The following GNE variants were observed in gnomAD, a reference collection of about 807,000 sequenced individuals.
GNE encodes the protein bifunctional UDP-N-acetylglucosamine 2-epimerase/N-acetylmannosamine kinase.
A neutral mutation model predicts 61.8 loss-of-function variants in GNE; 41 were observed. The ratio of observed to expected loss-of-function variants is 0.66; its 90% CI spans 0.52 to 0.86. The LOEUF is 0.86. Ranked by LOEUF, GNE falls within the 40% of genes least tolerant of loss-of-function variation. The probability of loss-of-function intolerance (pLI) is 0.00; values close to 1 mark genes in which losing one functional copy is unlikely to be tolerated. For synonymous variants in GNE, 264 were observed against 326.4 expected (o/e 0.81, Z 2.06); for missense variants, 608 against 909.1 (o/e 0.67, Z 4.26).
chr9:36,237,909 A>G (rs1228135607), intron 3 of GNE, among the ~76,000 whole-genome samples: 1 of 152,042 alleles, frequency 6.6e-6, no homozygotes, highest in South Asian at 2.1e-4. Context: ...AGAGCATACA[A>G]TGTTTGGTTT....
chr9:36,229,952 CT>C (rs1175311803), intron 5 of GNE, among the ~76,000 whole-genome samples: 119 of 146,602 alleles, frequency 8.1e-4, no homozygotes, highest in East Asian at 9.8e-4. Flanking sequence ...TCTCCTTTCA[CT>C]TTTTTTTTTT....
At chr9:36,268,905 G>A (rs1830909401) in intron 1 of GNE, among the ~76,000 whole-genome samples, 1 of 152,088 alleles carries the variant, frequency 6.6e-6, no homozygotes. Context: ...CAAAGTGGGT[G>A]GATTACCTGA....
intron 1 of GNE, chr9:36,265,500 A>AAATCAACAAGAATT (rs1830745661): frequency 2.2e-6 from 1 of 456,530 alleles, no homozygotes; most frequent in South Asian, 1.5e-5. Context: ...AATCAACAAG[A>AAATCAACAAGAATT]GGTGGAATAA....
chr9:36,266,264 C>G (rs1830784714), intron 1 of GNE, among the ~76,000 whole-genome samples: 1 of 152,214 alleles, frequency 6.6e-6, no homozygotes, highest in Non-Finnish European at 1.5e-5. Context: ...AAGACACTGG[C>G]CAGTACCAGT....
chr9:36,229,768 C>T (rs1829055182), intron 5 of GNE, among the ~76,000 whole-genome samples: 2 of 152,052 alleles, frequency 1.3e-5, no homozygotes, highest in Admixed American at 1.3e-4. Context: ...ATTGAAAACA[C>T]AGGTAGAAGG....
rs1554658955 is a variant in GNE at position 36,222,942 on chromosome 9, T to A, written c.1468A>T (p.Lys490Ter). 1.9e-6 allele frequency: 3 copies of A among 1,614,208 alleles called. No homozygotes were observed. The highest frequency in any genetic ancestry group is 2.5e-6 in the Non-Finnish European group (3 of 1,180,054). ...PREGIVLHST[K>*]LIQEWNSVDL... ...ACAGAGTTCCACTCTTGGATCAGTTTGGTTGAATGCAGCACAATTCCTTCC... is the reference window on the plus strand; with the variant it reads ...ACAGAGTTCCACTCTTGGATCAGTTAGGTTGAATGCAGCACAATTCCTTCC... Residue 490 changes from lysine (K) to a stop codon, truncating the protein, a stop_gained, in exon 9 of 12, where the codon AAA becomes TAA. Transcript: ENST00000642385. LOFTEE classifies it high-confidence loss of function.
intron 1 of GNE, among the ~76,000 whole-genome samples, chr9:36,267,476 C>G (rs1830847423): frequency 6.6e-6 from 1 of 151,872 alleles, no homozygotes; most frequent in Non-Finnish European, 1.5e-5. Flanking sequence ...GCAGGTGGAT[C>G]ACCTGAGGTC....
At chr9:36,245,212 C>T (rs915918207) in intron 3 of GNE, among the ~76,000 whole-genome samples, 4 of 151,646 alleles carry the variant, frequency 2.6e-5, no homozygotes, top group East Asian at 1.9e-4. Flanking sequence ...TGCAGTGAGC[C>T]GAGATTGTGC....
At chr9:36,272,915 TACA>T (rs1201913152) in intron 1 of GNE, among the ~76,000 whole-genome samples, 261 of 13,840 alleles carry the variant, frequency 0.019, 5 homozygotes, top group African/African-American at 0.059. Context: ...CTAGTAAAAA[TACA>T]AAAAAAAAAA....
chr9:36,236,144 T>C (rs1184385762), intron 4 of GNE, among the ~76,000 whole-genome samples: 1 of 152,154 alleles, frequency 6.6e-6, no homozygotes, highest in African/African-American at 2.4e-5. Flanking sequence ...AGAAAAAATA[T>C]TAGTGGCTAT....
At chr9:36,234,511 G>A (rs1209440736) in intron 4 of GNE, among the ~76,000 whole-genome samples, 3 of 152,020 alleles carry the variant, frequency 2.0e-5, no homozygotes, top group Non-Finnish European at 4.4e-5. Flanking sequence ...ACACCAAGCT[G>A]ATGAGAGAGC....
chr9:36,248,645 A>G (rs1170855587), intron 2 of GNE, among the ~76,000 whole-genome samples: 1 of 152,128 alleles, frequency 6.6e-6, no homozygotes, highest in Non-Finnish European at 1.5e-5. Flanking sequence ...TTTTAAATGT[A>G]GCCTGTGATT....
chr9:36,234,226 A>T (rs1829302483), intron 4 of GNE, 94 bp from the exon 5 acceptor site: 2 of 966,690 alleles, frequency 2.1e-6, no homozygotes, highest in Admixed American at 1.8e-5. Flanking sequence ...AAATCTCCCT[A>T]AAAAAACCTC....
intron 1 of GNE, among the ~76,000 whole-genome samples, chr9:36,268,756 G>C (rs893856024): frequency 3.3e-5 from 5 of 152,142 alleles, no homozygotes; most frequent in African/African-American, 9.7e-5. Flanking sequence ...TCAGTAACAC[G>C]CTTCTGGGGA....
intron 1 of GNE, among the ~76,000 whole-genome samples, chr9:36,271,647 T>A (rs1222909639): frequency 6.6e-6 from 1 of 152,194 alleles, no homozygotes; most frequent in Non-Finnish European, 1.5e-5. Context: ...GTGCTGGGAT[T>A]ACAGGCGTGA....
At chr9:36,269,663 TC>T (rs1429189240) in intron 1 of GNE, among the ~76,000 whole-genome samples, 4 of 87,978 alleles carry the variant, frequency 4.5e-5, no homozygotes, top group African/African-American at 9.8e-5. Flanking sequence ...CTTTCTTCTT[TC>T]TTTTTTTTTT....
chr9:36,247,027 T>C (rs764095507), intron 2 of GNE, among the ~76,000 whole-genome samples: 26 of 151,894 alleles, frequency 1.7e-4, no homozygotes, highest in Admixed American at 6.6e-4. Context: ...CAGCACTTTT[T>C]ATATACACTT....
At chr9:36,270,707 C>T (rs570401107) in intron 1 of GNE, among the ~76,000 whole-genome samples, 26 of 151,802 alleles carry the variant, frequency 1.7e-4, no homozygotes, top group Middle Eastern at 3.4e-3. Flanking sequence ...TTAGTAGAGA[C>T]GGGGTTTCAC....
At chr9:36,237,691 G>T (rs1194360740) in intron 3 of GNE, among the ~76,000 whole-genome samples, 1 of 151,856 alleles carries the variant, frequency 6.6e-6, no homozygotes, top group Non-Finnish European at 1.5e-5. Context: ...AGTTATTGGG[G>T]TATTAGGTGG....
Sources: gnomAD v4.1 joint callset for allele counts (sites outside exome capture counted in the v4.1 genomes callset) on GRCh38, gnomAD v4.1.1 for gene constraint, MANE v1.5 for transcripts, NCBI Gene and HGNC (gene_info 2026-07-23, HGNC 2026-07-21) for gene names.